The following RTN1 variants were observed in gnomAD, a reference collection of about 807,000 sequenced individuals.
RTN1 encodes reticulon 1.
In RTN1, 25 loss-of-function variants were observed where a neutral mutation model predicts 65.5. The observed-to-expected ratio is 0.38, with a 90% CI of 0.28 to 0.53. The LOEUF is 0.53. Ranked by LOEUF, RTN1 falls within the 20% of genes least tolerant of loss-of-function variation. The probability of loss-of-function intolerance (pLI) is 0.79; values close to 1 mark genes in which losing one functional copy is unlikely to be tolerated. For synonymous variants in RTN1, 471 were observed against 447.6 expected (o/e 1.05, Z -0.66); for missense variants, 983 against 1,025.4 (o/e 0.96, Z 0.57).
intron 3 of RTN1, among the ~76,000 whole-genome samples, chr14:59,625,378 A>C (rs1437956560): frequency 2.6e-4 from 39 of 152,228 alleles, no homozygotes; most frequent in Non-Finnish European, 1.5e-5. Flanking sequence ...GTAGGGTCTA[A>C]AACTGCAACA....
intron 3 of RTN1, among the ~76,000 whole-genome samples, chr14:59,644,420 C>G (rs1882845607): frequency 6.6e-6 from 1 of 152,150 alleles, no homozygotes; most frequent in Non-Finnish European, 1.5e-5. Context: ...AAGAGATCAC[C>G]TCATTGAACC....
chr14:59,768,320 T>C (rs1397243895), intron 1 of RTN1, among the ~76,000 whole-genome samples: 1 of 152,236 alleles, frequency 6.6e-6, no homozygotes, highest in East Asian at 1.9e-4. Flanking sequence ...TATCTGGTTA[T>C]AGACTTTTCT....
chr14:59,637,966 C>T (rs191376574), intron 3 of RTN1, among the ~76,000 whole-genome samples: 6 of 152,078 alleles, frequency 3.9e-5, no homozygotes, highest in Non-Finnish European at 8.8e-5. Flanking sequence ...ATTCTCCTGC[C>T]TCAGCCTCCC....
At chr14:59,709,671 C>CA (rs1884374963) in intron 3 of RTN1, among the ~76,000 whole-genome samples, 1 of 152,062 alleles carries the variant, frequency 6.6e-6, no homozygotes, top group South Asian at 2.1e-4. Context: ...TCCAGGCAGA[C>CA]AAAAAATTGC....
intron 1 of RTN1, among the ~76,000 whole-genome samples, chr14:59,786,762 C>G (rs1280848345): frequency 6.6e-6 from 1 of 152,158 alleles, no homozygotes; most frequent in East Asian, 1.9e-4. Flanking sequence ...TTGGCATAAA[C>G]TTCTGGCCAA....
chr14:59,796,734 CA>C (rs1462802633), intron 1 of RTN1, among the ~76,000 whole-genome samples: 1 of 152,156 alleles, frequency 6.6e-6, no homozygotes, highest in Non-Finnish European at 1.5e-5. Flanking sequence ...CAGTTTACCC[CA>C]ACCTCTGTAA....
chr14:59,715,415 A>T, intron 3 of RTN1, among the ~76,000 whole-genome samples: 1 of 152,258 alleles, frequency 6.6e-6, no homozygotes, highest in East Asian at 1.9e-4. Flanking sequence ...AGGACTTATA[A>T]ATCATTCAAA....
At chr14:59,763,224 C>T (rs113268839) in intron 1 of RTN1, among the ~76,000 whole-genome samples, 4,373 of 152,222 alleles carry the variant, frequency 0.029, 104 homozygotes, top group Non-Finnish European at 0.04. Context: ...GGTACCCATA[C>T]AAATCAAGGA....
chr14:59,864,767 C>T (rs1887769185), intron 1 of RTN1, among the ~76,000 whole-genome samples: 1 of 152,198 alleles, frequency 6.6e-6, no homozygotes, highest in Admixed American at 6.5e-5. Context: ...TTCCTTTTCT[C>T]TACTTACCCT....
intron 3 of RTN1, among the ~76,000 whole-genome samples, chr14:59,714,892 C>T (rs1008053921): frequency 6.6e-6 from 1 of 152,192 alleles, no homozygotes; most frequent in Non-Finnish European, 1.5e-5. Flanking sequence ...TGAGCTCTAC[C>T]TCCTGTCCAA....
At chr14:59,770,561 C>T (rs564308053) in intron 1 of RTN1, among the ~76,000 whole-genome samples, 5 of 152,014 alleles carry the variant, frequency 3.3e-5, no homozygotes, top group African/African-American at 7.2e-5. Context: ...TCATTAAGAA[C>T]CTTAATGTTA....
chr14:59,857,203 T>A (rs961652721), intron 1 of RTN1, among the ~76,000 whole-genome samples: 2 of 152,198 alleles, frequency 1.3e-5, no homozygotes, highest in Non-Finnish European at 1.5e-5. Context: ...AGCTTTAAGC[T>A]TTTTTAATGA....
intron 2 of RTN1, among the ~76,000 whole-genome samples, chr14:59,733,576 G>A (rs1884946205): frequency 6.6e-6 from 1 of 152,140 alleles, no homozygotes; most frequent in Non-Finnish European, 1.5e-5. Context: ...GGGGACTTTG[G>A]AGAGTCCAAG....
At chr14:59,749,039 A>G (rs1423848901) in intron 1 of RTN1, among the ~76,000 whole-genome samples, 8 of 148,790 alleles carry the variant, frequency 5.4e-5, no homozygotes, top group African/African-American at 2.0e-4. Context: ...TCCTCCCACC[A>G]TGGCCTCCCC....
chr14:59,638,620 T>A lies in RTN1; in HGVS notation c.1766-31128A>T, dbSNP rs576438801. Among the ~76,000 whole-genome samples, 721 of 152,332 alleles carry A rather than the reference T, an allele frequency of 4.7e-3. 4 individuals carry two copies. Among genetic ancestry groups the A allele is most frequent in the African/African-American group, 0.016 (656 of 41,566 alleles). ...GCTGCTTCCCCTGGCATTTTTTATG[T>A]CATGGAGAAGGCTTCTTTCCTTAAC... On this transcript the variant is annotated intron_variant, in intron 3 of 8. Transcript: ENST00000267484.
chr14:59,625,839 A>G (rs1882381397), intron 3 of RTN1, among the ~76,000 whole-genome samples: 1 of 152,226 alleles, frequency 6.6e-6, no homozygotes, highest in African/African-American at 2.4e-5. Flanking sequence ...ACATTTTGAA[A>G]AAGAACTTTA....
At chr14:59,601,194 G>A (rs892232058) in intron 8 of RTN1, among the ~76,000 whole-genome samples, 2 of 152,118 alleles carry the variant, frequency 1.3e-5, no homozygotes, top group African/African-American at 4.8e-5. Flanking sequence ...GTTGACTGTT[G>A]CCTATTAAAC....
chr14:59,793,640 A>AC (rs1886390029), intron 1 of RTN1, among the ~76,000 whole-genome samples: 1 of 148,532 alleles, frequency 6.7e-6, no homozygotes, highest in Non-Finnish European at 1.5e-5. Context: ...CACACACCAC[A>AC]CACACACACA....
At chr14:59,793,397 G>A (rs1273555524) in intron 1 of RTN1, among the ~76,000 whole-genome samples, 1 of 152,138 alleles carries the variant, frequency 6.6e-6, no homozygotes, top group African/African-American at 2.4e-5. Flanking sequence ...AAAAGGTGGG[G>A]ATGAATTCTA....
Sources: gnomAD v4.1 joint callset for allele counts (sites outside exome capture counted in the v4.1 genomes callset) on GRCh38, gnomAD v4.1.1 for gene constraint, MANE v1.5 for transcripts, NCBI Gene and HGNC (gene_info 2026-07-23, HGNC 2026-07-21) for gene names.